The following ZHX1 variants were observed in gnomAD, a reference collection of about 807,000 sequenced individuals.
ZHX1 encodes zinc fingers and homeoboxes protein 1.
In ZHX1, 20 loss-of-function variants were observed where a neutral mutation model predicts 61.8. The observed-to-expected ratio is 0.32, with a 90% CI of 0.23 to 0.47. The LOEUF is 0.47. Among genes scored for constraint, ZHX1 ranks in the 20% least tolerant of loss-of-function variants. ZHX1 has a pLI of 1.00. For missense variants in ZHX1, 800 were observed against 1,034.8 expected, an observed-to-expected ratio of 0.77 and a Z score of 3.11; for synonymous variants, 318 against 352.6, an observed-to-expected ratio of 0.90 and a Z score of 1.10.
rs780547394 is a variant in ZHX1 at position 123,255,656 on chromosome 8, C to T, written c.291G>A (p.Val97=). 1 of 1,613,862 alleles carries T rather than the reference C, an allele frequency of 6.2e-7. No individual in the cohort carries two copies. The highest frequency in any genetic ancestry group is 1.7e-5 in the Admixed American group (1 of 60,022). The part of the protein sequence containing the change: ...FHVDSEHPNV[V]LNSSYVCVEC... ...CGACACAAACATAGGATGAATTTAGCACTACATTGGGATGTTCCGAATCCA... is the reference window on the plus strand; with the variant it reads ...CGACACAAACATAGGATGAATTTAGTACTACATTGGGATGTTCCGAATCCA... The change falls in exon 3 of 4, where the codon GTG becomes GTA. Residue 97 remains valine, a synonymous_variant. Coordinates refer to ENST00000395571, the MANE Select transcript of ZHX1 (RefSeq NM_007222.5).
intron 3 of ZHX1, 50 bp from the exon 4 acceptor site, chr8:123,250,370 T>C (rs1825885246): frequency 5.4e-6 from 2 of 368,996 alleles, no homozygotes; most frequent in Non-Finnish European, 1.1e-5. Flanking sequence ...GAAAACCATA[T>C]TTTAATTTTT....
chr8:123,270,544 G>A (rs1826613899), intron 1 of ZHX1, among the ~76,000 whole-genome samples: 1 of 152,138 alleles, frequency 6.6e-6, no homozygotes, highest in Non-Finnish European at 1.5e-5. Flanking sequence ...ATGTTGGGAG[G>A]CCAAGGCAGA....
At chr8:123,261,272 A>G (rs1011599782) in intron 2 of ZHX1, among the ~76,000 whole-genome samples, 16 of 152,200 alleles carry the variant, frequency 1.1e-4, no homozygotes, top group African/African-American at 3.6e-4. Flanking sequence ...AAGGATCTTA[A>G]TCTTAGTACA....
intron 2 of ZHX1, chr8:123,257,346 A>G (rs1488279130): frequency 6.6e-6 from 1 of 152,266 alleles, no homozygotes; most frequent in African/African-American, 2.4e-5. Flanking sequence ...CTTGTGGGAC[A>G]TATAATCCCT....
chr8:123,262,882 T>A (rs527969954), intron 2 of ZHX1: 2 of 149,258 alleles, frequency 1.3e-5, no homozygotes, highest in South Asian at 2.1e-4. Context: ...ATTGGAACCA[T>A]GCGGAGAAGA....
intron 2 of ZHX1, among the ~76,000 whole-genome samples, chr8:123,260,814 G>C (rs770738824): frequency 4.6e-5 from 7 of 151,902 alleles, no homozygotes; most frequent in Non-Finnish European, 8.8e-5. Flanking sequence ...TTGAGGTCAG[G>C]AGTTCGAGAC....
chr8:123,254,125 T>C lies in ZHX1; in HGVS notation c.1822A>G (p.Thr608Ala). ...AACCAAGCATCGATTTCTCTTCTGG[T>C]AAGTTTGGTTTGTGCCCTTAACCTA... ...LNRLRAQTKL[T>A]RREIDAWFTE... The change falls in exon 3 of 4, where the codon ACC becomes GCC. Residue 608 changes from threonine (T) to alanine (A), a missense_variant. Physicochemically the swap from Thr to Ala is moderately conservative, Grantham distance 58. Transcript: ENST00000395571. The surrounding 1 kb of genome is among the most constrained non-coding windows in gnomAD (Gnocchi z 4.1). The C allele has an allele frequency of 6.2e-7, 1 of 1,614,172 alleles. No individual in the cohort carries two copies. Among genetic ancestry groups the C allele is most frequent in the Non-Finnish European group, 8.5e-7 (1 of 1,180,024 alleles).
At chr8:123,273,492 C>T (rs1189055241) in intron 1 of ZHX1, among the ~76,000 whole-genome samples, 1 of 152,154 alleles carries the variant, frequency 6.6e-6, no homozygotes, top group East Asian at 1.9e-4. Flanking sequence ...CCCTAAATCC[C>T]AGGGCTTCGT....
At position 123,253,673 on chromosome 8, in the gene ZHX1, C is replaced by T. The variant is rs1825980662; in HGVS notation, c.2274G>A (p.Gly758=). 2 of 1,614,196 alleles carry T rather than the reference C, an allele frequency of 1.2e-6. No homozygotes were observed. The highest frequency in any genetic ancestry group is 1.6e-4 in the Middle Eastern group (1 of 6,062). Residue 758 remains glycine, a synonymous_variant, in exon 3 of 4, where the codon GGG becomes GGA. Transcript: ENST00000395571. ...TAATTCTTTTGCTTCCTCTAGGCCG[C>T]CCACGCGGTCTTCCTCTTCCCCGTC... ...PKGRGRGRPR[G]RPRGSKRINN... is the part of the protein sequence containing the mutation.
In ZHX1 at chr8:123,253,917, C is replaced by T. The variant is rs776073776; in HGVS notation, c.2030G>A (p.Ser677Asn). The T allele has an allele frequency of 6.2e-7, 1 of 1,614,232 alleles. No homozygotes were observed. Among genetic ancestry groups the T allele is most frequent in the Non-Finnish European group, 8.5e-7 (1 of 1,180,036 alleles). The change falls in exon 3 of 4, where the codon AGT becomes AAT. Residue 677 changes from serine (S) to asparagine (N), a missense_variant. Ser to Asn is a conservative substitution (Grantham distance 46). Transcript: ENST00000395571. ...KTPEQLHMLK[S>N]AFVRTQWPSP... ...TGGCCACTGTGTCCGGACAAATGCA[C>T]TCTTAAGCATGTGCAGCTGCTCAGG... is the stretch of plus-strand genomic sequence containing the variant.
At chr8:123,267,467 T>C (rs540122106) in intron 1 of ZHX1, 81 bp from the exon 2 acceptor site, 1 of 422,506 alleles carries the variant, frequency 2.4e-6, no homozygotes, top group Admixed American at 4.0e-5. Flanking sequence ...GCCTTAGCTT[T>C]TAATAAATAA....
rs905185145 is a variant in ZHX1, at chr8:123,249,034, T to C, written c.*1290A>G. On this transcript the variant is annotated 3_prime_UTR_variant, in exon 4 of 4. Transcript: ENST00000395571. ...CAAGGCTTTTTCATAACATTTTCAA[T>C]GGCTGAAAAACATTTAACCAAGAGC... 2 of 152,604 alleles carry C rather than the reference T, an allele frequency of 1.3e-5. No homozygotes were observed. The highest frequency in any genetic ancestry group is 2.9e-5 in the Non-Finnish European group (2 of 68,004). 9.5% of individuals were successfully genotyped at this position (152,604 alleles called of 1,614,324 possible).
rs1554635273 is a variant in ZHX1, at chr8:123,249,859, T to TTA, written c.*464_*465insTA. 6.7e-6 allele frequency: 1 copy of TTA among 150,148 alleles called. No individual in the cohort carries two copies. Among genetic ancestry groups the TTA allele is most frequent in the Admixed American group, 6.7e-5 (1 of 15,032 alleles). The allele number at this position is 150,148 out of a possible 1,614,324, so 9.3% of individuals were successfully genotyped here. A position where few individuals can be genotyped will look rare whatever the true frequency, so the allele number is the denominator to read the frequency against. On this transcript the variant is annotated 3_prime_UTR_variant, in exon 4 of 4. Transcript: ENST00000395571. ...AGGGTTTTTTTTTTTTTTTTTTTTT[T>TTA]ACCCATTTCTAACAATTTTTACTGT...
chr8:123,264,222 A>G (rs1277281075), intron 2 of ZHX1, among the ~76,000 whole-genome samples: 3 of 152,198 alleles, frequency 2.0e-5, no homozygotes, highest in Non-Finnish European at 2.9e-5. Flanking sequence ...TTATAAAGAC[A>G]GCAAATGCAA....
intron 2 of ZHX1, chr8:123,256,911 C>G (rs1826087151): frequency 2.0e-5 from 3 of 151,526 alleles, no homozygotes; most frequent in Admixed American, 2.0e-4. Context: ...GTTTCAGAAA[C>G]ATTATTATTA....
Position 123,253,678 on chromosome 8 carries a change from G to A in ZHX1, c.2269C>T (p.Arg757Cys), listed in dbSNP as rs747135351. 8.1e-6 allele frequency: 13 copies of A among 1,614,038 alleles called. No individual in the cohort carries two copies. The highest frequency in any genetic ancestry group is 2.2e-5 in the East Asian group (1 of 44,892). ...CTTTTGCTTCCTCTAGGCCGCCCAC[G>A]CGGTCTTCCTCTTCCCCGTCCTTTG... Reference protein sequence around the residue: ...RPKGRGRGRPRGRPRGSKRIN... With the variant: ...RPKGRGRGRPCGRPRGSKRIN... Residue 757 changes from arginine (R) to cysteine (C), a missense_variant, in exon 3 of 4, where the codon CGT becomes TGT. Arg to Cys is a radical substitution (Grantham distance 180). Transcript: ENST00000395571.
Position 123,255,079 on chromosome 8 carries a change from T to G in ZHX1, c.868A>C (p.Asn290His). The G allele has an allele frequency of 6.2e-7, 1 of 1,614,142 alleles. No homozygotes were observed. Among genetic ancestry groups the G allele is most frequent in the South Asian group, 1.1e-5 (1 of 91,090 alleles). ...LIPVNSIPTY[N>H]AALDNNPLLL... is the part of the protein sequence containing the mutation. ...AGGGGATTGTTATCCAATGCAGCATTGTAGGTGGGAATGCTATTAACAGGG... is the reference window on the plus strand; with the variant it reads ...AGGGGATTGTTATCCAATGCAGCATGGTAGGTGGGAATGCTATTAACAGGG... The change falls in exon 3 of 4, where the codon AAT (asparagine) becomes CAT (histidine). Residue 290 changes from asparagine to histidine, a missense_variant. Physicochemically the swap from Asn to His is moderately conservative, Grantham distance 68. Transcript: ENST00000395571.
upstream of ZHX1, chr8:123,274,455 C>G (rs1426719212): frequency 6.6e-6 from 1 of 152,144 alleles, no homozygotes; most frequent in African/African-American, 2.4e-5. Context: ...AGGGAGAGAG[C>G]CGGCCAAGGC....
chr8:123,262,482 T>C (rs1003129872), intron 2 of ZHX1, among the ~76,000 whole-genome samples: 33 of 152,324 alleles, frequency 2.2e-4, no homozygotes, highest in African/African-American at 7.7e-4. Flanking sequence ...TTATGTGTGA[T>C]ATTCACAAGT....
Sources: allele counts gnomAD v4.1 joint callset (sites outside exome capture counted in the v4.1 genomes callset), GRCh38; gene constraint gnomAD v4.1.1; non-coding constraint Gnocchi (gnomAD v3.1); transcripts MANE v1.5; gene names NCBI Gene and HGNC (gene_info 2026-07-23, HGNC 2026-07-21).